The following RHOBTB1 variants were observed in gnomAD, a reference collection of about 807,000 sequenced individuals.
RHOBTB1 encodes rho-related BTB domain-containing protein 1.
Under a neutral mutation model 71.6 loss-of-function variants are expected in RHOBTB1, and 40 were observed. The ratio of observed to expected loss-of-function variants is 0.56; its 90% CI spans 0.43 to 0.73. The LOEUF is 0.73. Among genes scored for constraint, RHOBTB1 ranks in the 30% least tolerant of loss-of-function variants. RHOBTB1 has a pLI of 0.00. For missense variants in RHOBTB1, 797 were observed against 894.0 expected (o/e 0.89, Z 1.38); for synonymous variants, 319 against 334.9 (o/e 0.95, Z 0.52).
intron 2 of RHOBTB1, among the ~76,000 whole-genome samples, chr10:60,962,351 C>T (rs1482660938): frequency 2.0e-5 from 3 of 151,990 alleles, no homozygotes. Context: ...TCAAAATATG[C>T]CCAATGACTG....
At chr10:60,976,880 T>C (rs2086334722) in intron 2 of RHOBTB1, among the ~76,000 whole-genome samples, 1 of 152,006 alleles carries the variant, frequency 6.6e-6, no homozygotes, top group South Asian at 2.1e-4. Flanking sequence ...ACACACAAAA[T>C]GTGTTTTAAA....
intron 4 of RHOBTB1, among the ~76,000 whole-genome samples, chr10:60,910,255 T>TTGG (rs2082898192): frequency 6.6e-6 from 1 of 152,218 alleles, no homozygotes; most frequent in Non-Finnish European, 1.5e-5. Context: ...TTAAGGCACT[T>TTGG]TGACCATGTT....
At chr10:60,953,905 G>C (rs1230503189) in intron 2 of RHOBTB1, among the ~76,000 whole-genome samples, 4 of 152,152 alleles carry the variant, frequency 2.6e-5, no homozygotes, top group African/African-American at 9.7e-5. Flanking sequence ...GAGATATTGG[G>C]AGATGGTAAA....
chr10:60,862,290 T>G, the RHOBTB1 span, among the ~76,000 whole-genome samples: 614 of 152,138 alleles, frequency 4.0e-3, 2 homozygotes, highest in Middle Eastern at 0.027. Flanking sequence ...TTTTACCACC[T>G]GGATACAAGT....
intron 2 of RHOBTB1, among the ~76,000 whole-genome samples, chr10:60,970,167 T>C (rs963330227): frequency 6.6e-6 from 1 of 152,158 alleles, no homozygotes; most frequent in Non-Finnish European, 1.5e-5. Context: ...CCTGTAATAG[T>C]TAATAGCAAC....
Position 60,986,433 on chromosome 10 carries a change from A to AAAT in RHOBTB1, c.-162-489_-162-488insATT, listed in dbSNP as rs1565196286. ...TATATATATATATATATATATATAA[A>AAAT]ATATATATAGGCCATATATACTGGT... On this transcript the variant is annotated intron_variant, in intron 1 of 11. Transcript: ENST00000357917. 2.9e-4 allele frequency among the ~76,000 whole-genome samples: 40 copies of AAAT among 136,382 alleles called. No individual in the cohort carries two copies. In the East Asian group the frequency reaches 4.3e-3, roughly 15 times the overall value. 89.5% of individuals were successfully genotyped at this position (136,382 alleles called of 152,430 possible).
chr10:60,892,430 G>A (rs1430368011), intron 5 of RHOBTB1, among the ~76,000 whole-genome samples: 1 of 151,978 alleles, frequency 6.6e-6, no homozygotes, highest in Non-Finnish European at 1.5e-5. Flanking sequence ...ATGTTCTCTG[G>A]GGCCCAGATA....
At chr10:60,982,210 T>G (rs1231482475) in intron 2 of RHOBTB1, among the ~76,000 whole-genome samples, 2 of 152,208 alleles carry the variant, frequency 1.3e-5, no homozygotes, top group African/African-American at 4.8e-5. Flanking sequence ...AGTCAAGTAT[T>G]AAGTGGGTCA....
rs2081764216 is a variant in RHOBTB1, at chr10:60,888,959, T to C, written c.709A>G (p.Lys237Glu). ...ATTTTGATGACCGGTGGAGGGGCTT[T>C]TGGAGGTAGGAAGGGTGCCTGAAGT... ...PLLQAPFLPP[K>E]APPPVIKIPE... Residue 237 changes from lysine to glutamate, a missense_variant, in exon 6 of 11, where the codon AAA becomes GAA. By Grantham distance (56) the Lys-to-Glu change is moderately conservative. Coordinates refer to ENST00000337910, the MANE Select transcript of RHOBTB1 (RefSeq NM_014836.5). The C allele has an allele frequency of 6.2e-7, 1 of 1,614,166 alleles. No individual in the cohort carries two copies. Among genetic ancestry groups the C allele is most frequent in the Non-Finnish European group, 8.5e-7 (1 of 1,180,032 alleles).
In RHOBTB1 at chr10:60,888,314, T is replaced by C; in HGVS notation, c.1354A>G (p.Ile452Val). ...MFDLRMMVEN[I>V]MNKEAFMNQE... ...TTCATGAAGGCTTCCTTGTTCATGA[T>C]GTTTTCCACCATCATCCTCAAATCG... Residue 452 changes from isoleucine to valine, a missense_variant, in exon 6 of 11, where the codon ATC becomes GTC. This residue lies in a region of RHOBTB1 where 658 missense variants were observed against 681.5 expected (regional missense o/e 0.97). Transcript: ENST00000337910. The C allele has an allele frequency of 1.2e-6, 2 of 1,614,160 alleles. No homozygotes were observed. The highest frequency in any genetic ancestry group is 1.1e-5 in the South Asian group (1 of 91,078).
chr10:60,998,207 A>G (rs894846633), intron 1 of RHOBTB1, among the ~76,000 whole-genome samples: 1 of 152,214 alleles, frequency 6.6e-6, no homozygotes, highest in Non-Finnish European at 1.5e-5. Context: ...CTCTAACACT[A>G]TAAGATCAAT....
chr10:60,871,251 T>C lies in RHOBTB1; in HGVS notation c.*231A>G. 1 of 397,806 alleles carries C rather than the reference T, an allele frequency of 2.5e-6. No individual in the cohort carries two copies. Among genetic ancestry groups the C allele is most frequent in the Non-Finnish European group, 4.4e-6 (1 of 226,212 alleles). 24.6% of individuals were successfully genotyped at this position (397,806 alleles called of 1,614,324 possible). On this transcript the variant is annotated 3_prime_UTR_variant, in exon 11 of 11. Coordinates refer to ENST00000337910, the MANE Select transcript of RHOBTB1 (RefSeq NM_014836.5). Reference sequence around the variant, plus strand: ...CCTCCTAACAAAAAAAATATACATATCAGTTTAAGGAATGCAGTGAGAGTC... The same window carrying C: ...CCTCCTAACAAAAAAAATATACATACCAGTTTAAGGAATGCAGTGAGAGTC...
intron 4 of RHOBTB1, among the ~76,000 whole-genome samples, chr10:60,901,027 A>G (rs1455282514): frequency 6.6e-6 from 1 of 152,270 alleles, no homozygotes; most frequent in Non-Finnish European, 1.5e-5. Flanking sequence ...GGTTACTTTC[A>G]GGATTAATTC....
At chr10:61,001,340 T>TGGCGCGGCTCCTCCCG (rs1323933866) in intron 1 of RHOBTB1, 1 of 149,538 alleles carries the variant, frequency 6.7e-6, no homozygotes, top group East Asian at 2.0e-4. Context: ...CCGCCCACCC[T>TGGCGCGGCTCCTCCCG]GGCGCGGCTC....
rs147906688 is a variant in RHOBTB1 at position 60,949,664 on chromosome 10, CTTTTTTTTTTTT to C, written c.-61-7822_-61-7811del. On this transcript the variant is annotated intron_variant, in intron 2 of 11. Coordinates refer to the RHOBTB1 transcript ENST00000357917. ...GTATTGATGTGGTTTCCAGGTGAAGCTTTTTTTTTTTTTTTTTTTTTTTTTAAAGCATAACTT... is the reference window on the plus strand; with the variant it reads ...GTATTGATGTGGTTTCCAGGTGAAGCTTTTTTTTTTTTTAAAGCATAACTT... Among the ~76,000 whole-genome samples, 16 of 108,918 alleles carry C rather than the reference CTTTTTTTTTTTT, an allele frequency of 1.5e-4. No homozygotes were observed. In the South Asian group the frequency reaches 3.5e-3, roughly 24 times the overall value. The allele number at this position is 108,918 out of a possible 152,430, so 71.5% of individuals were successfully genotyped here. A position where few individuals can be genotyped will look rare whatever the true frequency, so the allele number is the denominator to read the frequency against.
intron 3 of RHOBTB1, 23 bp downstream of exon 3, chr10:60,911,328 T>C (rs769513142): frequency 6.3e-7 from 1 of 1,594,442 alleles, no homozygotes; most frequent in East Asian, 2.3e-5. Context: ...CTAGGGATGC[T>C]GAAGACACTC....
At chr10:60,969,992 G>T (rs916738248) in intron 2 of RHOBTB1, among the ~76,000 whole-genome samples, 59 of 152,090 alleles carry the variant, frequency 3.9e-4, no homozygotes, top group African/African-American at 1.3e-3. Flanking sequence ...GGCAAACTGG[G>T]CCAACCGTTT....
chr10:60,986,063 C>T (rs1002065382), intron 1 of RHOBTB1: 1 of 152,004 alleles, frequency 6.6e-6, no homozygotes, highest in African/African-American at 2.4e-5. Flanking sequence ...GTATGCCAGC[C>T]AACTACATGC....
rs201244986 is a variant in RHOBTB1, at chr10:60,973,090, AT to A, written c.-62+12754del. ...ATATCATTATATAGTATGTCTGTTA[AT>A]TTTTTTTTATGATTTTCTCTAGATT... On this transcript the variant is annotated intron_variant, in intron 2 of 11. Coordinates refer to the RHOBTB1 transcript ENST00000357917. Among the ~76,000 whole-genome samples, 841 of 151,728 alleles carry A rather than the reference AT, an allele frequency of 5.5e-3. 6 individuals are homozygous for A. The highest frequency in any genetic ancestry group is 0.019 in the African/African-American group (792 of 41,388).
Sources: allele counts gnomAD v4.1 joint callset (sites outside exome capture counted in the v4.1 genomes callset), GRCh38; gene constraint gnomAD v4.1.1; regional missense constraint gnomAD v4.1.1; transcripts MANE v1.5; gene names NCBI Gene and HGNC (gene_info 2026-07-23, HGNC 2026-07-21).